DNAJC6: variants seen among roughly 807,000 people sequenced by gnomAD.
DNAJC6 encodes auxilin.
DNAJC6 carries 34 observed loss-of-function variants against 110.0 expected under a neutral mutation model. The ratio of observed to expected loss-of-function variants is 0.31; its 90% CI spans 0.24 to 0.41. The LOEUF is 0.41. Ranked by LOEUF, DNAJC6 falls within the 10% of genes least tolerant of loss-of-function variation. DNAJC6 has a pLI of 1.00. For synonymous variants in DNAJC6, 406 were observed against 437.2 expected (o/e 0.93, Z 0.89); for missense variants, 1,031 against 1,207.8 (o/e 0.85, Z 2.17).
chr1:65,387,305 A>AT (rs994641419), intron 8 of DNAJC6, among the ~76,000 whole-genome samples: 1 of 152,260 alleles, frequency 6.6e-6, no homozygotes, highest in Non-Finnish European at 1.5e-5. Context: ...AAAAATTGAG[A>AT]TAAAACCACA....
intron 9 of DNAJC6, among the ~76,000 whole-genome samples, chr1:65,388,671 G>A (rs377271196): frequency 3.3e-5 from 5 of 152,336 alleles, no homozygotes; most frequent in African/African-American, 1.2e-4. Context: ...TAAACAAAGC[G>A]GGACAAAGTA....
Position 65,365,943 on chromosome 1 carries a change from C to T in DNAJC6, c.394+9C>T. The T allele has an allele frequency of 6.2e-7, 1 of 1,613,618 alleles. No individual in the cohort carries two copies. The stretch of plus-strand genomic sequence containing the variant: ...TACCTCCAGAATTATTGGTAAGTTT[C>T]TCATGTTTATTAACAGTCCTTTGGC... On this transcript the variant is annotated intron_variant, in intron 3 of 18. Transcript: ENST00000371069.
intron 12 of DNAJC6, among the ~76,000 whole-genome samples, chr1:65,394,506 T>C (rs1407985310): frequency 6.6e-6 from 1 of 152,240 alleles, no homozygotes; most frequent in African/African-American, 2.4e-5. Context: ...AGCTCTTGTC[T>C]TGTGGTGTTG....
intron 1 of DNAJC6, among the ~76,000 whole-genome samples, chr1:65,356,789 A>C (rs1230293987): frequency 6.6e-6 from 1 of 152,006 alleles, no homozygotes; most frequent in Non-Finnish European, 1.5e-5. Flanking sequence ...TAGAGGAGTA[A>C]AATGACATAC....
chr1:65,370,463 A>C (rs930213424), intron 4 of DNAJC6, among the ~76,000 whole-genome samples: 2 of 152,214 alleles, frequency 1.3e-5, no homozygotes, highest in Non-Finnish European at 2.9e-5. Context: ...GAAGGTTTAT[A>C]GCTGTGCCCC....
chr1:65,297,060 G>A (rs1031555181), intron 1 of DNAJC6, among the ~76,000 whole-genome samples: 3 of 152,132 alleles, frequency 2.0e-5, no homozygotes, highest in Admixed American at 6.5e-5. Flanking sequence ...ACTGTTCTAT[G>A]GGACCTCATA....
chr1:65,299,005 C>T (rs1412249037), intron 1 of DNAJC6: 2 of 152,300 alleles, frequency 1.3e-5, no homozygotes, highest in East Asian at 3.9e-4. Flanking sequence ...GGGATGTCAG[C>T]ATCAACACTA....
At chr1:65,296,611 G>A (rs863246) in intron 1 of DNAJC6, among the ~76,000 whole-genome samples, 5 of 126,938 alleles carry the variant, frequency 3.9e-5, no homozygotes, top group Non-Finnish European at 3.2e-5. Flanking sequence ...TTTTTGAGAC[G>A]GAGTCTAGCT....
chr1:65,375,920 T>C lies in DNAJC6; in HGVS notation c.544-3482T>C, dbSNP rs146946732. 2.1e-4 allele frequency among the ~76,000 whole-genome samples: 32 copies of C among 152,340 alleles called. 1 individual carries two copies. In the East Asian group the frequency reaches 6.0e-3, roughly 28 times the overall value. On this transcript the variant is annotated intron_variant, in intron 4 of 18. Coordinates refer to ENST00000371069, the MANE Select transcript of DNAJC6 (RefSeq NM_001256864.2). ...GCTTTGTAGAATGAGTTCGAAAGTA[T>C]TTCCTCTTCTTCCATTTTTAAAAAA...
intron 1 of DNAJC6, among the ~76,000 whole-genome samples, chr1:65,330,742 C>T (rs1645281292): frequency 6.6e-6 from 1 of 152,232 alleles, no homozygotes; most frequent in South Asian, 2.1e-4. Flanking sequence ...GTTGGGATTA[C>T]AGGCGTGTGC....
At chr1:65,375,762 A>G (rs954114003) in intron 4 of DNAJC6, among the ~76,000 whole-genome samples, 1 of 152,120 alleles carries the variant, frequency 6.6e-6, no homozygotes, top group Non-Finnish European at 1.5e-5. Context: ...TGAATGATCT[A>G]TTTAATGTGT....
At chr1:65,377,578 A>G (rs1645778278) in intron 4 of DNAJC6, among the ~76,000 whole-genome samples, 1 of 152,206 alleles carries the variant, frequency 6.6e-6, no homozygotes, top group Admixed American at 6.5e-5. Context: ...CTAAAGGTAT[A>G]TGAAAGTGGG....
intron 1 of DNAJC6, among the ~76,000 whole-genome samples, chr1:65,358,215 T>G (rs1279381088): frequency 7.1e-6 from 1 of 141,412 alleles, no homozygotes; most frequent in Non-Finnish European, 1.6e-5. Flanking sequence ...ACCTAATGAA[T>G]GTAACTTGCA....
chr1:65,273,998 G>A lies in DNAJC6; in HGVS notation c.-131+9066G>A, dbSNP rs759607227. ...TTTCAATTTGTTAATCCTGAGGTGCGGATCTTCTGTATCCTCACTGATTTT... is the reference window on the plus strand; with the variant it reads ...TTTCAATTTGTTAATCCTGAGGTGCAGATCTTCTGTATCCTCACTGATTTT... On this transcript the variant is annotated intron_variant, in intron 1 of 19. Transcript: ENST00000263441. Among the ~76,000 whole-genome samples the A allele has an allele frequency of 3.9e-5, 6 of 152,114 alleles. No individual in the cohort carries two copies. The South Asian group carries it at 6.2e-4, about 16-fold the overall frequency.
intron 13 of DNAJC6, among the ~76,000 whole-genome samples, chr1:65,396,754 C>T (rs984909765): frequency 6.6e-6 from 1 of 152,160 alleles, no homozygotes; most frequent in Non-Finnish European, 1.5e-5. Flanking sequence ...ATGAATTCCA[C>T]AAAGGCAGGG....
intron 15 of DNAJC6, among the ~76,000 whole-genome samples, chr1:65,404,380 G>A (rs1646056215): frequency 5.3e-5 from 8 of 152,180 alleles, no homozygotes; most frequent in Admixed American, 5.2e-4. Context: ...TATAGACATA[G>A]TTTTGATTAA....
intron 7 of DNAJC6, among the ~76,000 whole-genome samples, 168 bp downstream of exon 7, chr1:65,386,074 G>C (rs866183843): frequency 7.2e-5 from 11 of 152,326 alleles, no homozygotes; most frequent in African/African-American, 2.4e-4. Context: ...AAGTAAATCA[G>C]GGGATGTTAT....
In DNAJC6 at chr1:65,345,229, C is replaced by CGTGTGT. The variant is rs55934054; in HGVS notation, c.194-19373_194-19368dup. 2.3e-3 allele frequency among the ~76,000 whole-genome samples: 325 copies of CGTGTGT among 143,938 alleles called. 4 individuals are homozygous for CGTGTGT. Among genetic ancestry groups the CGTGTGT allele is most frequent in the Middle Eastern group, 6.9e-3 (2 of 288 alleles). The allele number at this position is 143,938 out of a possible 152,430, so 94.4% of individuals were successfully genotyped here. A position where few individuals can be genotyped will look rare whatever the true frequency, so the allele number is the denominator to read the frequency against. The stretch of plus-strand genomic sequence containing the variant: ...ACCATTTTTGTGCTTCTCTCCCTTT[C>CGTGTGT]GTGTGTGTGTGTGTGTGTGTGTGTG... On this transcript the variant is annotated intron_variant, in intron 1 of 18. Transcript: ENST00000371069.
chr1:65,284,710 C>CG (rs1396270293), intron 1 of DNAJC6, among the ~76,000 whole-genome samples: 1 of 150,906 alleles, frequency 6.6e-6, no homozygotes, highest in Non-Finnish European at 1.5e-5. Flanking sequence ...TTTTTTGAGA[C>CG]GGAGTTTCAC....
Sources: gnomAD v4.1 joint callset for allele counts (sites outside exome capture counted in the v4.1 genomes callset) on GRCh38, gnomAD v4.1.1 for gene constraint, MANE v1.5 for transcripts, NCBI Gene and HGNC (gene_info 2026-07-23, HGNC 2026-07-21) for gene names.